CABCOCO1: variants seen among roughly 807,000 people sequenced by gnomAD.
The protein encoded by CABCOCO1 is ciliary-associated calcium-binding coiled-coil protein 1.
Under a neutral mutation model 35.7 loss-of-function variants are expected in CABCOCO1, and 28 were observed. That is an observed-to-expected ratio of 0.78 (90% CI 0.58 to 1.07). The LOEUF (loss-of-function observed/expected upper bound fraction) is 1.07. Ranked by LOEUF, CABCOCO1 falls within the 50% of genes least tolerant of loss-of-function variation. CABCOCO1 has a pLI of 0.00. For missense variants in CABCOCO1, 326 were observed against 309.2 expected (o/e 1.05, Z -0.41); for synonymous variants, 95 against 100.1 (o/e 0.95, Z 0.30).
chr10:61,670,446 T>A (rs537056279), intron 1 of CABCOCO1, among the ~76,000 whole-genome samples: 3 of 152,176 alleles, frequency 2.0e-5, no homozygotes, highest in Non-Finnish European at 4.4e-5. Flanking sequence ...TGGTTAATAA[T>A]GTAGCATATT....
intron 5 of CABCOCO1, among the ~76,000 whole-genome samples, chr10:61,717,494 A>G (rs1361440837): frequency 1.3e-5 from 2 of 152,144 alleles, no homozygotes; most frequent in African/African-American, 4.8e-5. Context: ...TGCTGTACCT[A>G]GAGATCCACA....
chr10:61,706,119 A>G (rs1840586520), intron 5 of CABCOCO1, among the ~76,000 whole-genome samples: 1 of 152,230 alleles, frequency 6.6e-6, no homozygotes. Context: ...ATAATAGTGT[A>G]ACGAAGTTAC....
intron 3 of CABCOCO1, chr10:61,684,834 T>G (rs1165376754): frequency 1.3e-5 from 2 of 152,242 alleles, no homozygotes; most frequent in Non-Finnish European, 2.9e-5. Flanking sequence ...GTGTGGGTTG[T>G]AAATAATGTT....
At chr10:61,739,007 T>G (rs1178270407) in intron 5 of CABCOCO1, among the ~76,000 whole-genome samples, 1 of 152,208 alleles carries the variant, frequency 6.6e-6, no homozygotes, top group African/African-American at 2.4e-5. Flanking sequence ...TTTAGGTATA[T>G]CCAGAATCTC....
intron 1 of CABCOCO1, among the ~76,000 whole-genome samples, chr10:61,664,710 T>C (rs535027777): frequency 1.3e-5 from 2 of 152,324 alleles, no homozygotes; most frequent in African/African-American, 4.8e-5. Context: ...GGAAACTCCA[T>C]TTTCCGTTTT....
At chr10:61,677,999 A>AT (rs975032201) in intron 2 of CABCOCO1, among the ~76,000 whole-genome samples, 18 of 151,728 alleles carry the variant, frequency 1.2e-4, no homozygotes, top group African/African-American at 3.6e-4. Flanking sequence ...TCAGAAGTAT[A>AT]TTTTTTTAAT....
chr10:61,734,491 G>T (rs1380868882), intron 5 of CABCOCO1, among the ~76,000 whole-genome samples: 3 of 148,494 alleles, frequency 2.0e-5, no homozygotes, highest in African/African-American at 7.4e-5. Context: ...ACCTAATTAA[G>T]ACTTTATTCA....
At chr10:61,679,931 A>G (rs898027016) in intron 2 of CABCOCO1, among the ~76,000 whole-genome samples, 6 of 152,152 alleles carry the variant, frequency 3.9e-5, no homozygotes, top group Non-Finnish European at 7.4e-5. Context: ...AAAAGAAAAT[A>G]GACTTGAAAA....
At chr10:61,698,613 T>C (rs997323116) in intron 5 of CABCOCO1, among the ~76,000 whole-genome samples, 1 of 152,130 alleles carries the variant, frequency 6.6e-6, no homozygotes, top group Admixed American at 6.6e-5. Context: ...GTCAACTGTA[T>C]ATAATTTCAT....
chr10:61,739,122 C>A (rs1045688322), intron 5 of CABCOCO1, among the ~76,000 whole-genome samples: 15 of 152,116 alleles, frequency 9.9e-5, no homozygotes, highest in African/African-American at 3.6e-4. Context: ...TGACTATTTT[C>A]TGAATTTTCT....
At position 61,662,944 on chromosome 10, in the gene CABCOCO1, G is replaced by C. The variant is rs926953661; in HGVS notation, c.-29G>C. Reference sequence around the variant, plus strand: ...CACCCCAGTTGCCTAGGTGACGAGGGGCCGCTTCTCTCGGCCGAGATTGCG... The same window carrying C: ...CACCCCAGTTGCCTAGGTGACGAGGCGCCGCTTCTCTCGGCCGAGATTGCG... On this transcript the variant is annotated 5_prime_UTR_variant, in exon 1 of 8. Coordinates refer to ENST00000648843, the MANE Select transcript of CABCOCO1 (RefSeq NM_001366906.2). The C allele has an allele frequency of 6.4e-5, 25 of 391,262 alleles. No homozygotes were observed. The highest frequency in any genetic ancestry group is 4.1e-4 in the South Asian group (23 of 56,176). The allele number at this position is 391,262 out of a possible 1,614,324, so 24.2% of individuals were successfully genotyped here.
chr10:61,745,429 TTGTC>T (rs1301788390), intron 5 of CABCOCO1, among the ~76,000 whole-genome samples: 1 of 152,148 alleles, frequency 6.6e-6, no homozygotes, highest in Non-Finnish European at 1.5e-5. Flanking sequence ...GCTCTTCTCT[TTGTC>T]TGGCCTATCC....
intron 5 of CABCOCO1, among the ~76,000 whole-genome samples, chr10:61,707,764 A>G (rs1227535739): frequency 6.6e-6 from 1 of 152,142 alleles, no homozygotes; most frequent in Admixed American, 6.6e-5. Context: ...ATCTCCTGAA[A>G]ATATACACTG....
chr10:61,759,801 C>T (rs953556929), intron 5 of CABCOCO1, among the ~76,000 whole-genome samples: 1 of 151,830 alleles, frequency 6.6e-6, no homozygotes, highest in Admixed American at 6.6e-5. Context: ...CAGTTAAGAA[C>T]GAGGAGATAC....
chr10:61,683,939 T>A (rs1049104801), intron 3 of CABCOCO1, among the ~76,000 whole-genome samples: 2 of 152,172 alleles, frequency 1.3e-5, no homozygotes, highest in Non-Finnish European at 2.9e-5. Flanking sequence ...AAGTATAATT[T>A]CATCTGGAAT....
chr10:61,676,554 C>A (rs543155066), intron 2 of CABCOCO1, among the ~76,000 whole-genome samples: 17 of 152,142 alleles, frequency 1.1e-4, no homozygotes, highest in African/African-American at 4.1e-4. Flanking sequence ...ATTGCAAATA[C>A]TTTAGGATTA....
chr10:61,666,144 A>G (rs1008877738), intron 1 of CABCOCO1, among the ~76,000 whole-genome samples: 1 of 152,170 alleles, frequency 6.6e-6, no homozygotes, highest in African/African-American at 2.4e-5. Context: ...GAGATCATCA[A>G]CATATCCTGG....
chr10:61,692,193 G>A (rs576197354), intron 5 of CABCOCO1, among the ~76,000 whole-genome samples: 1 of 152,252 alleles, frequency 6.6e-6, no homozygotes, highest in South Asian at 2.1e-4. Context: ...ATTTTAACTA[G>A]TGTGAGATTG....
chr10:61,701,545 T>G, intron 5 of CABCOCO1: 2 of 748,080 alleles, frequency 2.7e-6, no homozygotes, highest in Non-Finnish European at 3.3e-6. Flanking sequence ...ATTTATGATA[T>G]TATCTGGCCA....
Sources: gnomAD v4.1 joint callset for allele counts (sites outside exome capture counted in the v4.1 genomes callset) on GRCh38, gnomAD v4.1.1 for gene constraint, MANE v1.5 for transcripts, NCBI Gene and HGNC (gene_info 2026-07-23, HGNC 2026-07-21) for gene names.